DAB1: variants seen among roughly 807,000 people sequenced by gnomAD.
DAB1 encodes DAB adaptor protein 1.
In DAB1, 15 loss-of-function variants were observed where a neutral mutation model predicts 64.6. That is an observed-to-expected ratio of 0.23 (90% CI 0.16 to 0.36). The LOEUF (loss-of-function observed/expected upper bound fraction) is 0.36, where lower values mean the gene tolerates loss of function less well. Ranked by LOEUF, DAB1 falls within the 10% of genes least tolerant of loss-of-function variation. The pLI is 1.00. For missense variants in DAB1, 596 were observed against 706.7 expected, an observed-to-expected ratio of 0.84 and a Z score of 1.78; for synonymous variants, 235 against 251.9, an observed-to-expected ratio of 0.93 and a Z score of 0.64.
chr1:58,070,437 G>A (rs1649162540), intron 5 of DAB1, among the ~76,000 whole-genome samples: 1 of 152,210 alleles, frequency 6.6e-6, no homozygotes, highest in African/African-American at 2.4e-5. Flanking sequence ...TGTAGGTGAG[G>A]AAGCTAAGGA....
At chr1:58,436,991 T>G (rs1644952300) in intron 3 of DAB1, among the ~76,000 whole-genome samples, 1 of 152,254 alleles carries the variant, frequency 6.6e-6, no homozygotes, top group Non-Finnish European at 1.5e-5. Flanking sequence ...ATGTTTTCTC[T>G]TGGTCTCTGG....
chr1:57,913,317 A>G (rs1473618171), intron 5 of DAB1, among the ~76,000 whole-genome samples: 1 of 152,220 alleles, frequency 6.6e-6, no homozygotes, highest in Non-Finnish European at 1.5e-5. Flanking sequence ...GATCTTTGAC[A>G]ACCCTGACAA....
intron 6 of DAB1, among the ~76,000 whole-genome samples, chr1:57,658,889 G>A (rs1442312104): frequency 6.6e-6 from 1 of 152,054 alleles, no homozygotes; most frequent in African/African-American, 2.4e-5. Context: ...CTTAATATTG[G>A]TAGACTATGG....
At chr1:57,439,418 G>GTGTTTTTTTTTT (rs1685823935) in intron 7 of DAB1, among the ~76,000 whole-genome samples, 1 of 116,140 alleles carries the variant, frequency 8.6e-6, no homozygotes, top group Non-Finnish European at 1.7e-5. Context: ...TGGTGATGAG[G>GTGTTTTTTTTTT]TTTTTTCTTT....
At chr1:57,352,089 C>T (rs1678636138) in intron 1 of DAB1, among the ~76,000 whole-genome samples, 1 of 152,056 alleles carries the variant, frequency 6.6e-6, no homozygotes, top group African/African-American at 2.4e-5. Flanking sequence ...AGGAAGAAAA[C>T]ATATACCTGG....
intron 2 of DAB1, among the ~76,000 whole-genome samples, chr1:57,252,659 CA>C: frequency 6.6e-6 from 1 of 152,222 alleles, no homozygotes. Context: ...AGTAATACAA[CA>C]GATGTAAAAT....
exon 5 of DAB1, chr1:58,150,538 C>T (rs1188382315): frequency 6.6e-6 from 1 of 151,068 alleles, no homozygotes; most frequent in Non-Finnish European, 1.5e-5. Context: ...TGGACTCACA[C>T]TCTCCAAGGC....
chr1:58,460,528 T>C (rs1334074085), intron 3 of DAB1, among the ~76,000 whole-genome samples: 1 of 152,194 alleles, frequency 6.6e-6, no homozygotes, highest in African/African-American at 2.4e-5. Context: ...TGGCATCAGG[T>C]TGAATAGTGA....
intron 7 of DAB1, among the ~76,000 whole-genome samples, chr1:57,445,791 A>T (rs557295490): frequency 1.3e-5 from 2 of 152,340 alleles, no homozygotes; most frequent in East Asian, 3.9e-4. Context: ...CATAGAATAA[A>T]CCAACTCATT....
chr1:58,443,175 C>G (rs1257742657), intron 3 of DAB1, among the ~76,000 whole-genome samples: 2 of 152,194 alleles, frequency 1.3e-5, no homozygotes, highest in Non-Finnish European at 2.9e-5. Flanking sequence ...ATCACCTACA[C>G]TCCTCAACAC....
intron 1 of DAB1, among the ~76,000 whole-genome samples, chr1:57,375,939 T>A (rs1680864716): frequency 1.3e-5 from 2 of 152,122 alleles, no homozygotes; most frequent in Non-Finnish European, 2.9e-5. Flanking sequence ...TCGAGCATGG[T>A]TCCTGTCGTA....
intron 11 of DAB1, among the ~76,000 whole-genome samples, chr1:57,019,289 A>G (rs981436054): frequency 3.3e-5 from 5 of 152,126 alleles, no homozygotes; most frequent in Non-Finnish European, 5.9e-5. Context: ...TAAACCCACA[A>G]TGCATAAGTG....
chr1:57,610,618 G>T (rs1360922777), intron 7 of DAB1, among the ~76,000 whole-genome samples: 5 of 152,190 alleles, frequency 3.3e-5, no homozygotes, highest in Non-Finnish European at 7.3e-5. Context: ...TGACTCACAT[G>T]GCTGGGAAGG....
intron 5 of DAB1, among the ~76,000 whole-genome samples, chr1:58,055,779 A>G (rs746166304): frequency 1.0e-4 from 7 of 66,880 alleles, no homozygotes; most frequent in Non-Finnish European, 1.9e-4. Flanking sequence ...ATCTCGGCTC[A>G]CTGCAACCTC....
intron 6 of DAB1, among the ~76,000 whole-genome samples, chr1:57,658,554 C>T (rs1049698406): frequency 6.6e-6 from 1 of 151,638 alleles, no homozygotes; most frequent in African/African-American, 2.4e-5. Flanking sequence ...CCACCCACCT[C>T]GGCCTCCCAA....
chr1:58,451,416 A>G (rs1444036964), intron 3 of DAB1, among the ~76,000 whole-genome samples: 1 of 152,198 alleles, frequency 6.6e-6, no homozygotes, highest in Non-Finnish European at 1.5e-5. Context: ...ACTAAATGTA[A>G]TAAGAAATCC....
At chr1:58,357,560 AGAGGCATATT>A (rs1644123400) in intron 3 of DAB1, among the ~76,000 whole-genome samples, 1 of 152,198 alleles carries the variant, frequency 6.6e-6, no homozygotes, top group Non-Finnish European at 1.5e-5. Flanking sequence ...TCAGGGTTAA[AGAGGCATATT>A]GAGGATTCAT....
At chr1:57,282,993 C>A (rs1253597944) in intron 2 of DAB1, among the ~76,000 whole-genome samples, 1 of 152,190 alleles carries the variant, frequency 6.6e-6, no homozygotes, top group Non-Finnish European at 1.5e-5. Flanking sequence ...AGCCACAGGG[C>A]AAACCCACAG....
chr1:57,196,634 G>A lies in DAB1; in HGVS notation c.68-51205C>T, dbSNP rs371989111. On this transcript the variant is annotated intron_variant, in intron 2 of 14. Transcript: ENST00000371236. The stretch of plus-strand genomic sequence containing the variant: ...CTTGAGTCACTGTGCACCTTTCAAA[G>A]GGGTCAACCACACTAAGTGGCAATG... Among the ~76,000 whole-genome samples, 50 of 152,282 alleles carry A rather than the reference G, an allele frequency of 3.3e-4. 1 individual carries two copies. In the South Asian group the frequency reaches 8.5e-3, roughly 26 times the overall value.
Sources: allele counts gnomAD v4.1 joint callset (sites outside exome capture counted in the v4.1 genomes callset), GRCh38; gene constraint gnomAD v4.1.1; transcripts MANE v1.5; gene names NCBI Gene and HGNC (gene_info 2026-07-23, HGNC 2026-07-21).